DDIAS: variants seen among roughly 807,000 people sequenced by gnomAD.
The protein encoded by DDIAS is DNA damage-induced apoptosis suppressor protein.
In DDIAS, 14 loss-of-function variants were observed where a neutral mutation model predicts 15.7. The observed-to-expected ratio is 0.89, with a 90% confidence interval of 0.59 to 1.39. DDIAS has a LOEUF of 1.39. Among genes scored for constraint, DDIAS ranks in the 40% most tolerant of loss-of-function variants. DDIAS has a pLI of 0.00. For missense variants in DDIAS, 1,035 were observed against 1,130.9 expected (o/e 0.92, Z 1.22); for synonymous variants, 355 against 395.9 (o/e 0.90, Z 1.23).
intron 1 of DDIAS, among the ~76,000 whole-genome samples, chr11:82,903,298 G>C (rs546126802): frequency 6.6e-6 from 1 of 152,298 alleles, no homozygotes; most frequent in Non-Finnish European, 1.5e-5. Flanking sequence ...GTGAATGATG[G>C]TTTCTAAGTA....
chr11:82,906,033 C>A (rs1357091836), intron 1 of DDIAS, among the ~76,000 whole-genome samples: 1 of 151,930 alleles, frequency 6.6e-6, no homozygotes, highest in Admixed American at 6.6e-5. Flanking sequence ...CACTATACTG[C>A]AAGTCAAGCA....
At chr11:82,918,278 A>G (rs1290852549) in intron 3 of DDIAS, among the ~76,000 whole-genome samples, 3 of 152,012 alleles carry the variant, frequency 2.0e-5, no homozygotes, top group African/African-American at 7.2e-5. Flanking sequence ...AGTTGCTTTT[A>G]TATAAGATTC....
rs1451595639 is a variant in DDIAS at position 82,932,081 on chromosome 11, T to C, written c.743T>C (p.Ile248Thr). The change falls in exon 6 of 6, where the codon ATT becomes ACT. Residue 248 changes from isoleucine to threonine, a missense_variant. Coordinates refer to ENST00000533655, the MANE Select transcript of DDIAS (RefSeq NM_145018.4). ...FWQPSLEFTCIVSQLTDNDDF... is the reference protein window; with the variant it reads ...FWQPSLEFTCTVSQLTDNDDF... ...CAGCCATCACTTGAATTCACTTGCA[T>C]TGTTTCACAACTAACAGATAATGAT... The C allele has an allele frequency of 6.2e-7, 1 of 1,614,062 alleles. No homozygotes were observed.
chr11:82,906,694 T>C (rs186213224), intron 1 of DDIAS, among the ~76,000 whole-genome samples: 2 of 152,224 alleles, frequency 1.3e-5, no homozygotes, highest in East Asian at 1.9e-4. Context: ...AAGAAAATAG[T>C]CTCTGCTCAC....
At chr11:82,928,755 C>CT (rs1213780173) in intron 3 of DDIAS, 22 bp from the exon 4 acceptor site, 3 of 1,609,786 alleles carry the variant, frequency 1.9e-6, no homozygotes, top group South Asian at 1.1e-5. Flanking sequence ...CATCTCCACA[C>CT]TTTTTTCCAC....
At chr11:82,902,385 A>AC (rs200606706) in intron 1 of DDIAS, among the ~76,000 whole-genome samples, 89 of 134,704 alleles carry the variant, frequency 6.6e-4, no homozygotes, top group South Asian at 1.3e-3. Flanking sequence ...TGTGACAGTA[A>AC]CCCCCCCCTC....
intron 4 of DDIAS, 28 bp from the exon 5 acceptor site, chr11:82,930,129 C>G (rs1235038304): frequency 7.4e-7 from 1 of 1,347,482 alleles, no homozygotes; most frequent in Non-Finnish European, 1.0e-6. Context: ...TTCATTGCTT[C>G]ACATTTTTTA....
At chr11:82,913,525 A>G (rs1184400867) in intron 2 of DDIAS, 139 bp downstream of exon 2, 2 of 288,174 alleles carry the variant, frequency 6.9e-6, no homozygotes, top group African/African-American at 4.7e-5. Flanking sequence ...GATTACAGAC[A>G]TAAGCCACCA....
intron 3 of DDIAS, among the ~76,000 whole-genome samples, chr11:82,927,403 GA>G (rs1860884502): frequency 1.1e-5 from 1 of 88,740 alleles, no homozygotes; most frequent in Non-Finnish European, 2.9e-5. Context: ...CAGTATGGCA[GA>G]AGAATAACAG....
At chr11:82,924,719 G>A (rs577815191) in intron 3 of DDIAS, among the ~76,000 whole-genome samples, 2 of 152,228 alleles carry the variant, frequency 1.3e-5, no homozygotes, top group African/African-American at 4.8e-5. Context: ...GGAGTCTGAG[G>A]TGGGAGGATC....
At chr11:82,928,688 G>T (rs1299096970) in intron 3 of DDIAS, 89 bp from the exon 4 acceptor site, 15 of 1,367,550 alleles carry the variant, frequency 1.1e-5, no homozygotes, top group Non-Finnish European at 1.4e-5. Flanking sequence ...TACACAAAAT[G>T]TTATTTTAAA....
rs184990590 is a variant in DDIAS, at chr11:82,921,648, T to A, written c.113+6797T>A. Among the ~76,000 whole-genome samples the A allele has an allele frequency of 5.6e-4, 82 of 147,678 alleles. 3 individuals are homozygous for A. In the East Asian group the frequency reaches 0.014, roughly 26 times the overall value. On this transcript the variant is annotated intron_variant, in intron 3 of 5. Coordinates refer to ENST00000533655, the MANE Select transcript of DDIAS (RefSeq NM_145018.4). ...GCTGGAGTGAAGTGGTGCAATCTCG[T>A]CTCACTGCACCCTCCGCCCCCCCAG...
intron 1 of DDIAS, among the ~76,000 whole-genome samples, chr11:82,906,428 G>T (rs917037842): frequency 1.4e-4 from 21 of 152,202 alleles, no homozygotes; most frequent in African/African-American, 4.8e-4. Context: ...ATAGTAATAA[G>T]TGCTGGCACA....
chr11:82,902,352 C>A (rs922204129), intron 1 of DDIAS, among the ~76,000 whole-genome samples: 1 of 151,960 alleles, frequency 6.6e-6, no homozygotes, highest in African/African-American at 2.4e-5. Context: ...TATTTTGGTT[C>A]GACCCTATGA....
Position 82,931,883 on chromosome 11 carries a change from A to G in DDIAS, c.545A>G (p.His182Arg), listed in dbSNP as rs1462752667. The G allele has an allele frequency of 3.1e-6, 5 of 1,614,174 alleles. No homozygotes were observed. In the Middle Eastern group the frequency reaches 4.9e-4, roughly 160 times the overall value. ...IAGFTVIDYF[H>R]QLLQTFNFRK... ...GGCTTTACTGTCATTGACTACTTCC[A>G]TCAACTTTTGCAGACTTTTAATTTC... The change falls in exon 6 of 6, where the codon CAT becomes CGT. Residue 182 changes from histidine (H) to arginine (R), a missense_variant. His to Arg is a conservative substitution (Grantham distance 29, BLOSUM62 0). Coordinates refer to ENST00000533655, the MANE Select transcript of DDIAS (RefSeq NM_145018.4).
chr11:82,928,514 T>C (rs1189204519), intron 3 of DDIAS, among the ~76,000 whole-genome samples: 1 of 152,166 alleles, frequency 6.6e-6, no homozygotes, highest in Non-Finnish European at 1.5e-5. Flanking sequence ...GTCCTCTCTT[T>C]CATGCACAGT....
rs1861027293 is a variant in DDIAS, at chr11:82,932,800, G to A, written c.1462G>A (p.Ala488Thr). ...AAGATCATCACAAGTAATAGTCAAA[G>A]CAAACTGTAGCAAAGATGACTTCCT... ...ALRSSQVIVK[A>T]NCSKDDFLFN... Residue 488 changes from alanine to threonine, a missense_variant, in exon 6 of 6, where the codon GCA (alanine) becomes ACA (threonine). Physicochemically the swap from Ala to Thr is moderately conservative, Grantham distance 58 (BLOSUM62 0). Coordinates refer to ENST00000533655, the MANE Select transcript of DDIAS (RefSeq NM_145018.4). 2.5e-6 allele frequency: 4 copies of A among 1,613,626 alleles called. No homozygotes were observed. The East Asian group carries it at 8.9e-5, about 36-fold the overall frequency.
intron 2 of DDIAS, chr11:82,914,023 G>A (rs532367232): frequency 7.1e-5 from 29 of 405,762 alleles, no homozygotes; most frequent in South Asian, 1.5e-4. Flanking sequence ...TGCAACCTCC[G>A]CATCCTAGGT....
intron 4 of DDIAS, among the ~76,000 whole-genome samples, chr11:82,929,784 A>G (rs2170010): frequency 0.48 from 72,459 of 151,442 alleles, 17,543 homozygotes; most frequent in African/African-American, 0.54. Context: ...CTATGTCCAC[A>G]TTTTTGTGCT....
Sources: gnomAD v4.1 joint callset for allele counts (sites outside exome capture counted in the v4.1 genomes callset) on GRCh38, gnomAD v4.1.1 for gene constraint, MANE v1.5 for transcripts, NCBI Gene and HGNC (gene_info 2026-07-23, HGNC 2026-07-21) for gene names.